MEF2C: variants seen among roughly 807,000 people sequenced by gnomAD.
The protein encoded by MEF2C is myocyte-specific enhancer factor 2C.
In MEF2C, 6 loss-of-function variants were observed where a neutral mutation model predicts 50.5. The observed-to-expected ratio is 0.12, with a 90% CI of 0.07 to 0.23. The LOEUF (loss-of-function observed/expected upper bound fraction) is 0.23, where lower values mean the gene tolerates loss of function less well. MEF2C is among the 10% of genes least tolerant of loss of function. MEF2C has a pLI of 1.00. For missense variants in MEF2C, 276 were observed against 605.0 expected, an observed-to-expected ratio of 0.46 and a Z score of 5.70; for synonymous variants, 183 against 228.0, an observed-to-expected ratio of 0.80 and a Z score of 1.78.
intron 3 of MEF2C, among the ~76,000 whole-genome samples, chr5:88,795,759 T>A (rs1342342609): frequency 6.6e-6 from 1 of 152,246 alleles, no homozygotes; most frequent in Non-Finnish European, 1.5e-5. Flanking sequence ...CCACTCAGTA[T>A]GATATTGGCT....
chr5:88,730,091 C>T (rs1275405141), intron 8 of MEF2C, 120 bp downstream of exon 8: 2 of 935,208 alleles, frequency 2.1e-6, no homozygotes, highest in Non-Finnish European at 3.1e-6. Flanking sequence ...GGTATTTAAA[C>T]ATAATCAATG....
chr5:88,781,902 G>A (rs1017331899), intron 3 of MEF2C: 2 of 155,936 alleles, frequency 1.3e-5, no homozygotes, highest in Admixed American at 6.5e-5. Flanking sequence ...GAGCCCAGGA[G>A]GTGGAGGTTG....
At chr5:88,739,407 T>A (rs966066947) in intron 6 of MEF2C, 25 of 966,014 alleles carry the variant, frequency 2.6e-5, no homozygotes, top group Non-Finnish European at 2.8e-5. Context: ...AAATGTCACA[T>A]ACATAATAAT....
upstream of MEF2C, among the ~76,000 whole-genome samples, chr5:88,886,269 A>G (rs886472921): frequency 2.0e-5 from 3 of 152,226 alleles, no homozygotes; most frequent in Non-Finnish European, 1.5e-5. Flanking sequence ...GTTAATCCAG[A>G]GTGTGCTTTG....
At chr5:88,837,002 C>CAAAAAAAA (rs10692741) in intron 1 of MEF2C, among the ~76,000 whole-genome samples, 1 of 87,014 alleles carries the variant, frequency 1.1e-5, no homozygotes, top group Non-Finnish European at 2.2e-5. Context: ...AGCTGTTTCT[C>CAAAAAAAA]AAAAAAAAAA....
intron 4 of MEF2C, among the ~76,000 whole-genome samples, chr5:88,753,791 T>G (rs1359164193): frequency 2.6e-5 from 4 of 152,216 alleles, no homozygotes; most frequent in Non-Finnish European, 5.9e-5. Flanking sequence ...GGGGAAATAA[T>G]TTTTGGATAG....
At chr5:88,811,155 G>T (rs1802617627) in intron 2 of MEF2C, among the ~76,000 whole-genome samples, 1 of 152,106 alleles carries the variant, frequency 6.6e-6, no homozygotes, top group Admixed American at 6.6e-5. Context: ...GCATCTACAG[G>T]ATGGTAAACA....
chr5:88,862,228 A>C (rs1372081668), intron 1 of MEF2C, among the ~76,000 whole-genome samples: 1 of 152,184 alleles, frequency 6.6e-6, no homozygotes, highest in Non-Finnish European at 1.5e-5. Context: ...AAATAATAAA[A>C]CAATCTTTTT....
intron 4 of MEF2C, among the ~76,000 whole-genome samples, chr5:88,758,792 T>TA (rs1213900953): frequency 6.6e-6 from 1 of 152,186 alleles, no homozygotes; most frequent in Non-Finnish European, 1.5e-5. Context: ...GCTCTGCCCG[T>TA]AAACTCTAAT....
At chr5:88,726,418 G>GT (rs1758781723) in intron 10 of MEF2C, among the ~76,000 whole-genome samples, 1 of 152,124 alleles carries the variant, frequency 6.6e-6, no homozygotes, top group African/African-American at 2.4e-5. Context: ...TAAAAAAACA[G>GT]TTTAACATTT....
intron 2 of MEF2C, among the ~76,000 whole-genome samples, chr5:88,813,108 T>C (rs59420919): frequency 1.3e-5 from 2 of 152,278 alleles, no homozygotes; most frequent in African/African-American, 4.8e-5. Context: ...TACTTTTGTA[T>C]AGACTCTGCA....
chr5:88,853,980 C>A (rs1822326688), intron 1 of MEF2C, among the ~76,000 whole-genome samples: 1 of 152,088 alleles, frequency 6.6e-6, no homozygotes, highest in African/African-American at 2.4e-5. Context: ...GAACCACAAT[C>A]ATTCCTAATT....
chr5:88,880,425 C>T (rs989716636), intron 1 of MEF2C, among the ~76,000 whole-genome samples: 8 of 151,976 alleles, frequency 5.3e-5, no homozygotes, highest in Non-Finnish European at 1.2e-4. Context: ...ACAGCTATTT[C>T]CCCATTTTTG....
intron 6 of MEF2C, chr5:88,741,500 T>A: frequency 2.0e-6 from 2 of 985,404 alleles, no homozygotes; most frequent in East Asian, 1.1e-4. Flanking sequence ...AACTACTCCT[T>A]GGGCAAAAAT....
chr5:88,802,791 T>C (rs1798906086), intron 3 of MEF2C, among the ~76,000 whole-genome samples: 1 of 152,182 alleles, frequency 6.6e-6, no homozygotes, highest in Non-Finnish European at 1.5e-5. Context: ...TATAATATAT[T>C]CCTAAGAAAA....
At chr5:88,725,491 C>G (rs759347648) in intron 10 of MEF2C, among the ~76,000 whole-genome samples, 1 of 152,024 alleles carries the variant, frequency 6.6e-6, no homozygotes, top group Non-Finnish European at 1.5e-5. Context: ...TGTTGGTCTA[C>G]TTGAGAACAA....
At chr5:88,875,628 A>G (rs1830811354) in intron 1 of MEF2C, among the ~76,000 whole-genome samples, 1 of 152,028 alleles carries the variant, frequency 6.6e-6, no homozygotes, top group Admixed American at 6.6e-5. Context: ...AATAAAAAGG[A>G]AACATACTGA....
intron 3 of MEF2C, among the ~76,000 whole-genome samples, chr5:88,797,954 A>T (rs2153020812): frequency 6.6e-6 from 1 of 152,288 alleles, no homozygotes; most frequent in Admixed American, 6.5e-5. Flanking sequence ...CTTTTCTTTA[A>T]GAATGTTGAA....
chr5:88,738,043 C>T (rs1764848546), intron 6 of MEF2C: 1 of 985,266 alleles, frequency 1.0e-6, no homozygotes, highest in Non-Finnish European at 1.2e-6. Flanking sequence ...CTGAATGAGG[C>T]AGCGCAGAGA....
Sources: gnomAD v4.1 joint callset for allele counts (sites outside exome capture counted in the v4.1 genomes callset) on GRCh38, gnomAD v4.1.1 for gene constraint, MANE v1.5 for transcripts, NCBI Gene and HGNC (gene_info 2026-07-23, HGNC 2026-07-21) for gene names.